DRC5: variants seen among roughly 807,000 people sequenced by gnomAD.
The protein encoded by DRC5 is dynein regulatory complex subunit 5.
the DRC5 span, among the ~76,000 whole-genome samples, chr6:44,294,485 C>T: frequency 6.6e-6 from 1 of 151,822 alleles, no homozygotes; most frequent in Non-Finnish European, 1.5e-5. Flanking sequence ...TGGCTCATGC[C>T]TGTAGTCTTA....
chr6:44,283,542 C>T, the DRC5 span, among the ~76,000 whole-genome samples: 9 of 152,316 alleles, frequency 5.9e-5, no homozygotes, highest in African/African-American at 1.4e-4. Flanking sequence ...CTCTACCCTT[C>T]GGTTCACTCC....
At chr6:44,287,284 A>G in the DRC5 span, 5 of 974,266 alleles carry the variant, frequency 5.1e-6, no homozygotes, top group Non-Finnish European at 6.1e-6. Context: ...GTTTTGCTGG[A>G]GAGAGTAGAA....
chr6:44,279,797 T>TGTGTGTGTGTGTGTGTGTGTG, the DRC5 span: 1 of 110,060 alleles, frequency 9.1e-6, no homozygotes, highest in Non-Finnish European at 1.8e-5. Context: ...GTGTGTGTGT[T>TGTGTGTGTGTGTGTGTGTGTG]TGAAGATCAA....
At chr6:44,290,012 GCC>G in the DRC5 span, among the ~76,000 whole-genome samples, 1 of 152,252 alleles carries the variant, frequency 6.6e-6, no homozygotes, top group Non-Finnish European at 1.5e-5. Flanking sequence ...AGGAGGAAAA[GCC>G]TGGTTGAGAG....
the DRC5 span, among the ~76,000 whole-genome samples, chr6:44,289,631 C>T: frequency 6.6e-6 from 1 of 152,198 alleles, no homozygotes. Context: ...CCTTCCATCT[C>T]CCCATCCAGT....
the DRC5 span, chr6:44,282,550 GC>G: frequency 1.9e-6 from 3 of 1,587,116 alleles, no homozygotes; most frequent in Non-Finnish European, 1.7e-6. Flanking sequence ...CTTCGGGTCA[GC>G]TTGAAGATCT....
At chr6:44,286,264 C>CG in the DRC5 span, 1 of 1,612,658 alleles carries the variant, frequency 6.2e-7, no homozygotes, top group Non-Finnish European at 8.5e-7. Flanking sequence ...TCCGGCAGAG[C>CG]GGCAGCAGGT....
At chr6:44,288,535 A>G in the DRC5 span, among the ~76,000 whole-genome samples, 5 of 152,218 alleles carry the variant, frequency 3.3e-5, no homozygotes, top group Non-Finnish European at 4.4e-5. Context: ...ATAAAGAGCC[A>G]TTCAGCTCAT....
At chr6:44,281,447 C>T in the DRC5 span, among the ~76,000 whole-genome samples, 3,886 of 152,184 alleles carry the variant, frequency 0.026, 53 homozygotes, top group Non-Finnish European at 0.035. Flanking sequence ...TGCAGGGGCA[C>T]GATCTCAGCT....
At chr6:44,291,633 C>T in the DRC5 span, among the ~76,000 whole-genome samples, 1 of 152,238 alleles carries the variant, frequency 6.6e-6, no homozygotes, top group East Asian at 1.9e-4. Flanking sequence ...GCCAAGGTCC[C>T]TCAGAATTCC....
the DRC5 span, chr6:44,286,674 G>T: frequency 1.4e-6 from 1 of 713,746 alleles, no homozygotes; most frequent in South Asian, 1.8e-5. Context: ...TCTGCTCTCA[G>T]GGGGGCTCAA....
chr6:44,294,250 G>A, the DRC5 span, among the ~76,000 whole-genome samples: 2 of 152,108 alleles, frequency 1.3e-5, no homozygotes, highest in Non-Finnish European at 2.9e-5. Flanking sequence ...CCAAAGCGCT[G>A]AGATTACAGG....
chr6:44,289,013 A>AG, the DRC5 span, among the ~76,000 whole-genome samples: 2 of 144,854 alleles, frequency 1.4e-5, no homozygotes, highest in Non-Finnish European at 3.0e-5. Context: ...AAAAAAAAAA[A>AG]AAAAAAAAAG....
the DRC5 span, among the ~76,000 whole-genome samples, chr6:44,285,796 T>C: frequency 2.0e-5 from 3 of 152,132 alleles, no homozygotes; most frequent in African/African-American, 7.2e-5. Flanking sequence ...CTTGTTCATC[T>C]CTACACCCCC....
the DRC5 span, among the ~76,000 whole-genome samples, chr6:44,291,033 C>A: frequency 6.6e-6 from 1 of 152,220 alleles, no homozygotes; most frequent in Admixed American, 6.5e-5. Context: ...CAGCAGGACC[C>A]ATCGGGGCAT....
At chr6:44,280,428 A>C in the DRC5 span, 1 of 1,508,836 alleles carries the variant, frequency 6.6e-7, no homozygotes, top group Non-Finnish European at 9.2e-7. Flanking sequence ...CATTTACATC[A>C]CTACCCAGGA....
chr6:44,289,017 A>G, the DRC5 span, among the ~76,000 whole-genome samples: 30 of 139,784 alleles, frequency 2.1e-4, no homozygotes, highest in Non-Finnish European at 3.1e-4. Flanking sequence ...AAAAAAAAAA[A>G]AAAAAGAAAA....
the DRC5 span, chr6:44,282,354 G>A: frequency 6.2e-7 from 1 of 1,614,186 alleles, no homozygotes; most frequent in Non-Finnish European, 8.5e-7. Context: ...CAGGGACTGG[G>A]CACCGGGTGC....
chr6:44,282,239 G>T, the DRC5 span: 1 of 1,614,220 alleles, frequency 6.2e-7, no homozygotes, highest in South Asian at 1.1e-5. Flanking sequence ...TGAGGCACTT[G>T]TTGGTCTGCA....
Sources: allele counts gnomAD v4.1 joint callset (sites outside exome capture counted in the v4.1 genomes callset), GRCh38; gene constraint gnomAD v4.1.1; transcripts MANE v1.5; gene names NCBI Gene and HGNC (gene_info 2026-07-23, HGNC 2026-07-21).